The following ABTB3 variants were observed in gnomAD, a reference collection of about 807,000 sequenced individuals.
The protein encoded by ABTB3 is ankyrin repeat and BTB domain containing 3, also known as ankyrin repeat- and BTB/POZ domain-containing protein 3.
chr12:107,614,888 G>A, the ABTB3 span, among the ~76,000 whole-genome samples: 1,154 of 152,242 alleles, frequency 7.6e-3, 2 homozygotes, highest in Non-Finnish European at 0.012. Context: ...GAGGTGTTTG[G>A]AGCATCCAGC....
chr12:107,577,844 A>G, the ABTB3 span, among the ~76,000 whole-genome samples: 1 of 152,164 alleles, frequency 6.6e-6, no homozygotes, highest in Non-Finnish European at 1.5e-5. Flanking sequence ...TGGATGTAAA[A>G]TCATGGCTGT....
At chr12:107,412,947 A>C in the ABTB3 span, among the ~76,000 whole-genome samples, 6 of 152,186 alleles carry the variant, frequency 3.9e-5, no homozygotes, top group African/African-American at 1.4e-4. Flanking sequence ...TGCAACTGGG[A>C]AATGGCACTT....
chr12:107,333,641 A>G, the ABTB3 span, among the ~76,000 whole-genome samples: 3 of 152,184 alleles, frequency 2.0e-5, no homozygotes, highest in African/African-American at 7.2e-5. Flanking sequence ...CTGTAAAATA[A>G]CCATTCATTC....
At chr12:107,321,624 CACACACAT>C in the ABTB3 span, among the ~76,000 whole-genome samples, 47,348 of 132,834 alleles carry the variant, frequency 0.36, 8,193 homozygotes, top group East Asian at 0.49. Flanking sequence ...CACACACACA[CACACACAT>C]CCTGAAATAT....
At chr12:107,639,946 G>A in the ABTB3 span, among the ~76,000 whole-genome samples, 86 of 152,276 alleles carry the variant, frequency 5.6e-4, no homozygotes, top group African/African-American at 1.9e-3. Context: ...AGTGGTGAGG[G>A]GACAGCTCTT....
At chr12:107,394,768 A>C in the ABTB3 span, among the ~76,000 whole-genome samples, 2 of 152,250 alleles carry the variant, frequency 1.3e-5, no homozygotes, top group Non-Finnish European at 2.9e-5. Context: ...AGCTCTCAGT[A>C]AATGATAGCT....
the ABTB3 span, among the ~76,000 whole-genome samples, chr12:107,482,760 G>C: frequency 6.6e-6 from 1 of 151,658 alleles, no homozygotes; most frequent in East Asian, 1.9e-4. Flanking sequence ...TTGCTTTGAT[G>C]CTTGCTTGCC....
At chr12:107,623,004 A>T in the ABTB3 span, among the ~76,000 whole-genome samples, 1 of 151,966 alleles carries the variant, frequency 6.6e-6, no homozygotes, top group Non-Finnish European at 1.5e-5. Flanking sequence ...CAGGAGCAGA[A>T]CAATATATTC....
the ABTB3 span, among the ~76,000 whole-genome samples, chr12:107,523,154 C>T: frequency 6.6e-6 from 1 of 152,178 alleles, no homozygotes; most frequent in Non-Finnish European, 1.5e-5. Flanking sequence ...TCCACTTCTT[C>T]CCAGAGGAGT....
At chr12:107,511,627 G>C in the ABTB3 span, among the ~76,000 whole-genome samples, 1 of 152,134 alleles carries the variant, frequency 6.6e-6, no homozygotes, top group Non-Finnish European at 1.5e-5. Context: ...GCCTACACTT[G>C]GAACTGGCAC....
At chr12:107,469,994 TTCTTTCTTTCTTTCTTTCTC>T in the ABTB3 span, among the ~76,000 whole-genome samples, 37 of 64,060 alleles carry the variant, frequency 5.8e-4, 4 homozygotes, top group African/African-American at 9.9e-4. Context: ...CTTTCTTTCT[TTCTTTCTTTCTTTCTTTCTC>T]TCTCTCTCTC....
the ABTB3 span, among the ~76,000 whole-genome samples, chr12:107,530,848 G>A: frequency 6.6e-6 from 1 of 152,152 alleles, no homozygotes; most frequent in Non-Finnish European, 1.5e-5. Context: ...CAAACATTGG[G>A]ACAGATTCCC....
the ABTB3 span, among the ~76,000 whole-genome samples, chr12:107,425,711 G>GA: frequency 6.6e-6 from 1 of 152,172 alleles, no homozygotes; most frequent in Non-Finnish European, 1.5e-5. Context: ...ATCACTCCCA[G>GA]AACTTCACTA....
chr12:107,368,015 ATATC>A, the ABTB3 span, among the ~76,000 whole-genome samples: 66 of 152,310 alleles, frequency 4.3e-4, no homozygotes, highest in African/African-American at 1.5e-3. Context: ...TATGTTCTCA[ATATC>A]TATCCATGTT....
the ABTB3 span, chr12:107,581,314 G>A: frequency 7.5e-7 from 1 of 1,324,722 alleles, no homozygotes; most frequent in African/African-American, 1.6e-5. Flanking sequence ...GGTAGGCGCG[G>A]GGGCGGGCGG....
At chr12:107,629,822 G>T in the ABTB3 span, among the ~76,000 whole-genome samples, 1 of 152,152 alleles carries the variant, frequency 6.6e-6, no homozygotes, top group African/African-American at 2.4e-5. Flanking sequence ...CCTCAAGTTT[G>T]GTTGCTTCCA....
chr12:107,495,147 C>T, the ABTB3 span, among the ~76,000 whole-genome samples: 3 of 152,164 alleles, frequency 2.0e-5, no homozygotes, highest in African/African-American at 7.2e-5. Flanking sequence ...GAACGCCATG[C>T]CCTCTCCCTT....
the ABTB3 span, among the ~76,000 whole-genome samples, chr12:107,611,567 G>T: frequency 6.6e-6 from 1 of 152,180 alleles, no homozygotes; most frequent in African/African-American, 2.4e-5. Context: ...GGAAATTTAG[G>T]TTGTTTCAAA....
the ABTB3 span, among the ~76,000 whole-genome samples, chr12:107,321,744 T>G: frequency 6.6e-6 from 1 of 152,186 alleles, no homozygotes; most frequent in East Asian, 1.9e-4. Context: ...TGGACTGGAT[T>G]GCTCTTTGTT....
Sources: allele counts gnomAD v4.1 joint callset (sites outside exome capture counted in the v4.1 genomes callset), GRCh38; gene constraint gnomAD v4.1.1; transcripts MANE v1.5; gene names NCBI Gene and HGNC (gene_info 2026-07-23, HGNC 2026-07-21).